CCDC91: variants seen among roughly 807,000 people sequenced by gnomAD.
CCDC91 encodes coiled-coil domain-containing protein 91.
In CCDC91, 48 loss-of-function variants were observed where a neutral mutation model predicts 63.2. The observed-to-expected ratio is 0.76, with a 90% CI of 0.60 to 0.97. The LOEUF (loss-of-function observed/expected upper bound fraction) is 0.97. Among genes scored for constraint, CCDC91 ranks in the 50% least tolerant of loss-of-function variants. The probability of loss-of-function intolerance (pLI) is 0.00; values close to 1 mark genes in which losing one functional copy is unlikely to be tolerated. For synonymous variants in CCDC91, 167 were observed against 165.8 expected (o/e 1.01, Z -0.06); for missense variants, 500 against 494.6 (o/e 1.01, Z -0.10).
intron 1 of CCDC91, chr12:28,198,943 A>G (rs1027979121): frequency 4.0e-5 from 6 of 148,612 alleles, no homozygotes; most frequent in African/African-American, 1.5e-4. Flanking sequence ...TTTTTTTAAG[A>G]GACAGAATCG....
At chr12:28,389,464 T>G (rs979013543) in intron 7 of CCDC91, among the ~76,000 whole-genome samples, 1 of 152,140 alleles carries the variant, frequency 6.6e-6, no homozygotes, top group African/African-American at 2.4e-5. Context: ...TTGGCTCTTA[T>G]TTTACTCATT....
At chr12:28,199,702 T>C (rs1942059933) in intron 1 of CCDC91, among the ~76,000 whole-genome samples, 1 of 152,224 alleles carries the variant, frequency 6.6e-6, no homozygotes, top group Non-Finnish European at 1.5e-5. Flanking sequence ...CAAAGAATAG[T>C]TTTGCTAGAA....
At chr12:28,539,597 C>T (rs1565544898) in intron 12 of CCDC91, among the ~76,000 whole-genome samples, 1 of 152,066 alleles carries the variant, frequency 6.6e-6, no homozygotes, top group Non-Finnish European at 1.5e-5. Context: ...TATTTTTCAA[C>T]ATCTGTTTGA....
chr12:28,358,803 CA>C (rs1943685301), intron 6 of CCDC91, among the ~76,000 whole-genome samples: 1 of 152,160 alleles, frequency 6.6e-6, no homozygotes, highest in African/African-American at 2.4e-5. Flanking sequence ...AGGAAGTGAA[CA>C]TGCAATATCT....
chr12:28,461,037 G>C (rs1592737479), intron 11 of CCDC91, among the ~76,000 whole-genome samples: 1 of 151,802 alleles, frequency 6.6e-6, no homozygotes, highest in East Asian at 1.9e-4. Context: ...TTGCTCCTAG[G>C]CTACAAACCC....
At chr12:28,364,810 C>T (rs1273186421) in intron 7 of CCDC91, among the ~76,000 whole-genome samples, 3 of 152,178 alleles carry the variant, frequency 2.0e-5, no homozygotes, top group African/African-American at 4.8e-5. Flanking sequence ...GTACCACAAA[C>T]CATCAACACA....
intron 12 of CCDC91, among the ~76,000 whole-genome samples, chr12:28,547,314 A>C (rs1242796582): frequency 6.6e-6 from 1 of 152,154 alleles, no homozygotes; most frequent in African/African-American, 2.4e-5. Context: ...TTTTAAAACT[A>C]TGACTTTAAT....
chr12:28,392,020 A>G (rs552424543), intron 8 of CCDC91, among the ~76,000 whole-genome samples: 1 of 151,978 alleles, frequency 6.6e-6, no homozygotes, highest in East Asian at 1.9e-4. Context: ...TCTGTGTTAT[A>G]TCATTGGAAG....
chr12:28,320,118 T>C (rs997565851), intron 6 of CCDC91, among the ~76,000 whole-genome samples: 7 of 152,100 alleles, frequency 4.6e-5, no homozygotes, highest in Non-Finnish European at 1.0e-4. Flanking sequence ...ATACTTTTTC[T>C]ATGACATTAT....
chr12:28,497,479 G>A (rs139187078), intron 12 of CCDC91, among the ~76,000 whole-genome samples: 7 of 151,600 alleles, frequency 4.6e-5, no homozygotes, highest in Admixed American at 1.3e-4. Context: ...GTTAGAGAAG[G>A]TTGTGGCTCG....
chr12:28,379,714 T>A (rs994937363), intron 7 of CCDC91, among the ~76,000 whole-genome samples: 1 of 152,040 alleles, frequency 6.6e-6, no homozygotes, highest in Admixed American at 6.6e-5. Context: ...TGGGAGTGTA[T>A]ATTAGTTCAA....
At chr12:28,291,859 G>A (rs1214833171) in intron 3 of CCDC91, among the ~76,000 whole-genome samples, 1 of 152,138 alleles carries the variant, frequency 6.6e-6, no homozygotes, top group Non-Finnish European at 1.5e-5. Context: ...GCAACCTCTT[G>A]TATAGTTGAT....
chr12:28,304,238 G>A (rs1243888020), intron 3 of CCDC91, among the ~76,000 whole-genome samples: 1 of 151,336 alleles, frequency 6.6e-6, no homozygotes, highest in Non-Finnish European at 1.5e-5. Context: ...TTAGCTGAGC[G>A]TGGTGGCGAG....
chr12:28,261,154 T>TA (rs1946800479), intron 3 of CCDC91, among the ~76,000 whole-genome samples: 1 of 151,970 alleles, frequency 6.6e-6, no homozygotes, highest in Non-Finnish European at 1.5e-5. Flanking sequence ...AGAATGGTGT[T>TA]ACCATGAACA....
chr12:28,377,882 T>C (rs1292371345), intron 7 of CCDC91, among the ~76,000 whole-genome samples: 1 of 152,032 alleles, frequency 6.6e-6, no homozygotes, highest in African/African-American at 2.4e-5. Flanking sequence ...CAAAAACCAG[T>C]CAATGCTGGT....
intron 7 of CCDC91, among the ~76,000 whole-genome samples, chr12:28,378,957 G>A (rs1945112853): frequency 6.6e-6 from 1 of 152,014 alleles, no homozygotes. Flanking sequence ...TATTCTTGTG[G>A]TTTTTCAAGC....
intron 1 of CCDC91, among the ~76,000 whole-genome samples, chr12:28,214,888 C>T (rs1943467581): frequency 6.6e-6 from 1 of 152,082 alleles, no homozygotes; most frequent in Non-Finnish European, 1.5e-5. Flanking sequence ...GCCAAGTGGA[C>T]TTGTGATGCT....
chr12:28,259,025 A>G (rs1194028259), intron 2 of CCDC91, among the ~76,000 whole-genome samples: 1 of 152,024 alleles, frequency 6.6e-6, no homozygotes, highest in Non-Finnish European at 1.5e-5. Flanking sequence ...TTTTTCCTAC[A>G]TAGATGGTTA....
chr12:28,498,982 T>C (rs11049669), intron 12 of CCDC91, among the ~76,000 whole-genome samples: 31,621 of 151,608 alleles, frequency 0.21, 4,323 homozygotes, highest in Non-Finnish European at 0.31. Context: ...TTTAATGAAA[T>C]GTTGCTTAAT....
Sources: gnomAD v4.1 joint callset for allele counts (sites outside exome capture counted in the v4.1 genomes callset) on GRCh38, gnomAD v4.1.1 for gene constraint, MANE v1.5 for transcripts, NCBI Gene and HGNC (gene_info 2026-07-23, HGNC 2026-07-21) for gene names.